Variants in ITPR2 observed in about 807,000 individuals in gnomAD.
ITPR2 encodes the protein inositol 1,4,5-trisphosphate receptor type 2, also known as inositol 1,4,5-trisphosphate-gated calcium channel ITPR2.
In ITPR2, 207 loss-of-function variants were observed where a neutral mutation model predicts 317.1. That is an observed-to-expected ratio of 0.65 (90% confidence interval 0.58 to 0.73). The LOEUF (loss-of-function observed/expected upper bound fraction) is 0.73. ITPR2 is among the 30% of genes least tolerant of loss of function. The pLI is 0.00. For synonymous variants in ITPR2, 1,156 were observed against 1,149.1 expected (o/e 1.01, Z -0.12); for missense variants, 2,613 against 3,284.0 (o/e 0.80, Z 4.99).
chr12:26,531,214 G>A (rs553906151), intron 37 of ITPR2, among the ~76,000 whole-genome samples: 3 of 152,220 alleles, frequency 2.0e-5, no homozygotes, highest in South Asian at 4.2e-4. Context: ...CTGAAATATC[G>A]GAGGCAGTGA....
At chr12:26,462,835 C>T (rs553898575) in intron 45 of ITPR2, among the ~76,000 whole-genome samples, 1 of 151,410 alleles carries the variant, frequency 6.6e-6, no homozygotes, top group Non-Finnish European at 1.5e-5. Flanking sequence ...CCATGCCTGG[C>T]TAATTTTTGT....
chr12:26,652,462 T>A (rs1947278498), intron 21 of ITPR2, among the ~76,000 whole-genome samples: 1 of 152,210 alleles, frequency 6.6e-6, no homozygotes, highest in African/African-American at 2.4e-5. Flanking sequence ...TGAAATTAGG[T>A]TTCTGGTTTT....
chr12:26,588,739 A>G (rs1017666347), intron 32 of ITPR2, among the ~76,000 whole-genome samples: 2 of 152,242 alleles, frequency 1.3e-5, no homozygotes, highest in Admixed American at 6.5e-5. Context: ...GGCTCAAGTT[A>G]TCTACCTGAA....
chr12:26,773,981 ATTTT>A (rs34106132), intron 2 of ITPR2, among the ~76,000 whole-genome samples: 4 of 91,412 alleles, frequency 4.4e-5, no homozygotes, highest in Admixed American at 1.3e-4. Flanking sequence ...CAACTGGAGA[ATTTT>A]TTTTTTTTTT....
At chr12:26,595,023 C>T (rs560132387) in intron 32 of ITPR2, among the ~76,000 whole-genome samples, 1 of 152,162 alleles carries the variant, frequency 6.6e-6, no homozygotes, top group East Asian at 1.9e-4. Context: ...TAGGCAACAG[C>T]GAGCAAGGCC....
At chr12:26,751,902 C>A (rs1013977699) in intron 2 of ITPR2, among the ~76,000 whole-genome samples, 4 of 151,872 alleles carry the variant, frequency 2.6e-5, no homozygotes, top group Non-Finnish European at 5.9e-5. Context: ...CCCTAAAACC[C>A]ACACTGTAAA....
rs554044997 is a variant in ITPR2 at position 26,506,832 on chromosome 12, T to C, written c.5074-11572A>G. ...GAAACCACCTTAAGGCTGCACGTCA[T>C]ACAAGGATCTGACTCAGCAACATAA... On this transcript the variant is annotated intron_variant, in intron 37 of 56. Transcript: ENST00000381340. Among the ~76,000 whole-genome samples, 47 of 152,328 alleles carry C rather than the reference T, an allele frequency of 3.1e-4. No homozygotes were observed. The South Asian group carries it at 4.8e-3, about 15-fold the overall frequency.
chr12:26,742,796 G>A (rs2137085961), intron 2 of ITPR2, among the ~76,000 whole-genome samples: 1 of 148,362 alleles, frequency 6.7e-6, no homozygotes, highest in Middle Eastern at 3.5e-3. Flanking sequence ...CTGGGTGACA[G>A]AACAAGACTC....
chr12:26,638,793 A>T (rs980845127), intron 21 of ITPR2, among the ~76,000 whole-genome samples: 1 of 152,230 alleles, frequency 6.6e-6, no homozygotes, highest in Non-Finnish European at 1.5e-5. Flanking sequence ...CCAAAACTAC[A>T]CAAATAGGAA....
At chr12:26,713,400 C>T (rs983701459) in intron 8 of ITPR2, among the ~76,000 whole-genome samples, 51 of 152,068 alleles carry the variant, frequency 3.4e-4, no homozygotes, top group African/African-American at 1.2e-3. Flanking sequence ...AGCCTACCAC[C>T]GATATAAACT....
At chr12:26,470,819 G>GA (rs1942276359) in intron 45 of ITPR2, among the ~76,000 whole-genome samples, 1 of 152,136 alleles carries the variant, frequency 6.6e-6, no homozygotes. Context: ...ATTTATCCTA[G>GA]AGAAATAATC....
At chr12:26,768,569 TATAAAAAAAAAA>T (rs1399202012) in intron 2 of ITPR2, among the ~76,000 whole-genome samples, 3 of 14,596 alleles carry the variant, frequency 2.1e-4, no homozygotes, top group Non-Finnish European at 5.3e-4. Flanking sequence ...TACAAATATA[TATAAAAAAAAAA>T]AAAAAAAAAA....
At chr12:26,484,576 T>C (rs995607824) in intron 41 of ITPR2, among the ~76,000 whole-genome samples, 1 of 152,100 alleles carries the variant, frequency 6.6e-6, no homozygotes, top group African/African-American at 2.4e-5. Flanking sequence ...TAATAGTACA[T>C]CCAAACATTA....
chr12:26,828,127 C>A (rs1951035984), intron 1 of ITPR2, among the ~76,000 whole-genome samples: 1 of 152,320 alleles, frequency 6.6e-6, no homozygotes, highest in Middle Eastern at 3.4e-3. Context: ...ACGATAGGAA[C>A]AAGGCCATAT....
At chr12:26,624,043 G>C (rs1312644184) in intron 24 of ITPR2, among the ~76,000 whole-genome samples, 1 of 152,166 alleles carries the variant, frequency 6.6e-6, no homozygotes, top group Non-Finnish European at 1.5e-5. Context: ...TTTGAGGAAA[G>C]AAAAGCAAAG....
chr12:26,591,163 A>G (rs1354318224), intron 32 of ITPR2, among the ~76,000 whole-genome samples: 1 of 151,934 alleles, frequency 6.6e-6, no homozygotes, highest in Admixed American at 6.6e-5. Flanking sequence ...AGAATGAGAG[A>G]GAATATTTAC....
At chr12:26,579,554 A>T (rs1398880877) in intron 33 of ITPR2, among the ~76,000 whole-genome samples, 1 of 152,076 alleles carries the variant, frequency 6.6e-6, no homozygotes, top group Non-Finnish European at 1.5e-5. Context: ...ATGATTTTTA[A>T]TTACTATATA....
intron 50 of ITPR2, among the ~76,000 whole-genome samples, chr12:26,417,169 A>G (rs1005367895): frequency 6.6e-6 from 1 of 152,154 alleles, no homozygotes; most frequent in African/African-American, 2.4e-5. Context: ...ACGATTTTTG[A>G]TATCATGTAT....
intron 2 of ITPR2, among the ~76,000 whole-genome samples, chr12:26,743,417 C>T (rs1363836400): frequency 6.6e-6 from 1 of 151,910 alleles, no homozygotes; most frequent in Non-Finnish European, 1.5e-5. Context: ...CATTTGAGCT[C>T]GCACTTAAGA....
Sources: allele counts gnomAD v4.1 joint callset (sites outside exome capture counted in the v4.1 genomes callset), GRCh38; gene constraint gnomAD v4.1.1; transcripts MANE v1.5; gene names NCBI Gene and HGNC (gene_info 2026-07-23, HGNC 2026-07-21).